The following CDKN2B-AS1 variants were observed in gnomAD, a reference collection of about 807,000 sequenced individuals.
CDKN2B-AS1 encodes CDKN2B and CDKN2A antisense cis and trans regulatory RNA 1, also known as CDKN2B antisense RNA 1 (non-protein coding).
Position 22,006,389 on chromosome 9 carries a change from G to A in CDKN2B-AS1, n.29+11228G>A. ...GTGCAGAGGTGTTCAGGTCTCTGAT[G>A]TCTGGTGTTTCTTCATTTGCTGATG... On this transcript the variant is annotated intron_variant and non_coding_transcript_variant, in intron 1 of 4. Transcript: ENST00000650946. The surrounding 1 kb of genome is among the most constrained non-coding windows in gnomAD (Gnocchi z 6.4). 8.7e-7 allele frequency: 1 copy of A among 1,151,126 alleles called. No individual in the cohort carries two copies. The highest frequency in any genetic ancestry group is 1.3e-5 in the South Asian group (1 of 74,256). The allele number at this position is 1,151,126 out of a possible 1,614,324, so 71.3% of individuals were successfully genotyped here. A position where few individuals can be genotyped will look rare whatever the true frequency, so the allele number is the denominator to read the frequency against.
chr9:22,045,034 T>TGTGTGTGTGTG (rs1563943297), intron 1 of CDKN2B-AS1, among the ~76,000 whole-genome samples: 1 of 103,268 alleles, frequency 9.7e-6, no homozygotes, highest in African/African-American at 5.9e-5. Context: ...AAAATATTAT[T>TGTGTGTGTGTG]TATTTGTGTG....
rs1820742367 is a variant in CDKN2B-AS1 at position 21,997,546 on chromosome 9, G to GA, written n.29+2389dup. ...ATACTTATTTTAAGGAATTGTCTCA[G>GA]AAAATGGTGGGGGTTGACAAATTGG... On this transcript the variant is annotated intron_variant and non_coding_transcript_variant, in intron 1 of 4. Coordinates refer to ENST00000650946, the Ensembl canonical transcript of CDKN2B-AS1. The surrounding 1 kb of genome is among the most constrained non-coding windows in gnomAD (Gnocchi z 4.8). 1.3e-5 allele frequency among the ~76,000 whole-genome samples: 2 copies of GA among 152,062 alleles called. No homozygotes were observed. Among genetic ancestry groups the GA allele is most frequent in the African/African-American group, 4.8e-5 (2 of 41,424 alleles).
chr9:22,119,561 C>T (rs1001275871), intron 4 of CDKN2B-AS1: 3 of 152,190 alleles, frequency 2.0e-5, no homozygotes, highest in African/African-American at 7.2e-5. Context: ...TTATATGGAA[C>T]AATGACCATC....
At chr9:22,009,239 G>C (rs1821367703) in intron 1 of CDKN2B-AS1, 1 of 559,134 alleles carries the variant, frequency 1.8e-6, no homozygotes, top group African/African-American at 1.9e-5. Context: ...CGAGCTCAAA[G>C]CCGCTCTGGC....
chr9:22,125,943 G>C (rs1818011643), intron 4 of CDKN2B-AS1, among the ~76,000 whole-genome samples: 1 of 152,158 alleles, frequency 6.6e-6, no homozygotes, highest in South Asian at 2.1e-4. Flanking sequence ...ATTGTTTATA[G>C]TTCTCTTTCA....
chr9:22,103,290 G>A (rs916832269), intron 4 of CDKN2B-AS1, among the ~76,000 whole-genome samples: 1 of 152,056 alleles, frequency 6.6e-6, no homozygotes, highest in Non-Finnish European at 1.5e-5. Flanking sequence ...AGCTGGAAGA[G>A]TTTAGTGTTG....
intron 4 of CDKN2B-AS1, among the ~76,000 whole-genome samples, chr9:22,100,020 A>G (rs1427986825): frequency 6.6e-6 from 1 of 152,182 alleles, no homozygotes; most frequent in African/African-American, 2.4e-5. Context: ...AATATGTAAA[A>G]AGATAAAAAG....
chr9:22,113,699 G>A (rs1367976511), intron 4 of CDKN2B-AS1: 1 of 152,116 alleles, frequency 6.6e-6, no homozygotes, highest in Non-Finnish European at 1.5e-5. Context: ...AAATGCAATA[G>A]CATGTCAAAC....
intron 4 of CDKN2B-AS1, among the ~76,000 whole-genome samples, chr9:22,070,339 T>C (rs1043072199): frequency 1.3e-5 from 2 of 152,164 alleles, no homozygotes; most frequent in Non-Finnish European, 2.9e-5. Flanking sequence ...ATAAATAATA[T>C]ATAATTGTAT....
chr9:22,127,631 G>T (rs1818037447), exon 5 of CDKN2B-AS1, among the ~76,000 whole-genome samples: 2 of 152,172 alleles, frequency 1.3e-5, no homozygotes, highest in Non-Finnish European at 2.9e-5. Flanking sequence ...GTCCACTGAG[G>T]ATCTCTGGGC....
chr9:22,023,303 G>A (rs1432593703), intron 1 of CDKN2B-AS1, among the ~76,000 whole-genome samples: 3 of 152,044 alleles, frequency 2.0e-5, no homozygotes, highest in Non-Finnish European at 4.4e-5. Flanking sequence ...TATATTTCTA[G>A]GAGGTTTTGT....
At chr9:22,108,925 A>C (rs1171873611) in intron 4 of CDKN2B-AS1, among the ~76,000 whole-genome samples, 1 of 152,156 alleles carries the variant, frequency 6.6e-6, no homozygotes, top group African/African-American at 2.4e-5. Context: ...AGACCAAACC[A>C]AAAACAAAAC....
chr9:22,087,664 T>C (rs902174247), intron 4 of CDKN2B-AS1, among the ~76,000 whole-genome samples: 1 of 152,254 alleles, frequency 6.6e-6, no homozygotes, highest in South Asian at 2.1e-4. Flanking sequence ...TTTAGTCTGA[T>C]GTTTTCCTAA....
Position 22,003,489 on chromosome 9 carries a change from C to G in CDKN2B-AS1, n.29+8328C>G, listed in dbSNP as rs1410724723. ...TAATGCAACTAGCAAATTTAAACAT[C>G]TTGGAATTTAAGATATAGAGGTCAA... On this transcript the variant is annotated intron_variant and non_coding_transcript_variant, in intron 1 of 4. Transcript: ENST00000650946. 3 of 228,458 alleles carry G rather than the reference C, an allele frequency of 1.3e-5. No individual in the cohort carries two copies. In the East Asian group the frequency reaches 1.9e-4, roughly 14 times the overall value. The allele number at this position is 228,458 out of a possible 1,614,324, so 14.2% of individuals were successfully genotyped here. A position where few individuals can be genotyped will look rare whatever the true frequency, so the allele number is the denominator to read the frequency against.
intron 3 of CDKN2B-AS1, among the ~76,000 whole-genome samples, chr9:22,052,669 G>C (rs555123587): frequency 7.9e-4 from 120 of 152,310 alleles, no homozygotes; most frequent in Admixed American, 2.4e-3. Flanking sequence ...GTTTATCCCA[G>C]GACATTAGTC....
intron 4 of CDKN2B-AS1, chr9:22,119,569 A>T (rs550110501): frequency 6.6e-6 from 1 of 152,386 alleles, no homozygotes; most frequent in South Asian, 2.1e-4. Flanking sequence ...AACAATGACC[A>T]TCCTTCAGAA....
chr9:22,110,709 T>A, intron 4 of CDKN2B-AS1, among the ~76,000 whole-genome samples: 1 of 152,164 alleles, frequency 6.6e-6, no homozygotes, highest in East Asian at 1.9e-4. Flanking sequence ...AAAAACCCTA[T>A]ACTCATCTCT....
chr9:22,028,090 G>A (rs946058457), intron 1 of CDKN2B-AS1, among the ~76,000 whole-genome samples: 1 of 152,006 alleles, frequency 6.6e-6, no homozygotes, highest in Non-Finnish European at 1.5e-5. Flanking sequence ...TTTTTTGGAC[G>A]TTCTGCAGGA....
intron 1 of CDKN2B-AS1, chr9:22,030,310 C>T (rs1347453363): frequency 1.3e-5 from 2 of 152,136 alleles, no homozygotes; most frequent in Non-Finnish European, 2.9e-5. Flanking sequence ...ATACCAGGAA[C>T]CTTAGGAAGT....
Sources: gnomAD v4.1 joint callset for allele counts (sites outside exome capture counted in the v4.1 genomes callset) on GRCh38, gnomAD v4.1.1 for gene constraint, Gnocchi (gnomAD v3.1) non-coding constraint, MANE v1.5 for transcripts, NCBI Gene and HGNC (gene_info 2026-07-23, HGNC 2026-07-21) for gene names.